Variants in BMP7 observed in about 807,000 individuals in gnomAD.
BMP7 encodes osteogenic protein 1.
A neutral mutation model predicts 41.2 loss-of-function variants in BMP7; 12 were observed. The ratio of observed to expected loss-of-function variants is 0.29; its 90% CI spans 0.19 to 0.47. The LOEUF is 0.47. Ranked by LOEUF, BMP7 falls within the 20% of genes least tolerant of loss-of-function variation. BMP7 has a pLI of 0.99. For missense variants in BMP7, 467 were observed against 606.0 expected, an observed-to-expected ratio of 0.77 and a Z score of 2.41; for synonymous variants, 248 against 250.0, an observed-to-expected ratio of 0.99 and a Z score of 0.07.
At position 57,257,084 on chromosome 20, in the gene BMP7, C is replaced by G. The variant is rs1249391934; in HGVS notation, c.418+8621G>C. On this transcript the variant is annotated intron_variant, in intron 1 of 6. Coordinates refer to ENST00000395863, the MANE Select transcript of BMP7 (RefSeq NM_001719.3). ...AACATTCTGAGGACCTCAGCCTCTC[C>G]CAGGGACTCTGCTGCCACCAATGTG... 4.5e-4 allele frequency among the ~76,000 whole-genome samples: 69 copies of G among 152,124 alleles called. 2 individuals carry two copies. The highest frequency in any genetic ancestry group is 4.5e-3 in the Admixed American group (69 of 15,278).
intron 1 of BMP7, among the ~76,000 whole-genome samples, chr20:57,230,401 G>C (rs764715630): frequency 6.6e-6 from 1 of 152,022 alleles, no homozygotes; most frequent in Non-Finnish European, 1.5e-5. Flanking sequence ...GTCACCGTGG[G>C]ACTGCCCCCG....
At chr20:57,249,101 G>C (rs1348108288) in intron 1 of BMP7, among the ~76,000 whole-genome samples, 1 of 151,906 alleles carries the variant, frequency 6.6e-6, no homozygotes, top group Non-Finnish European at 1.5e-5. Flanking sequence ...ACGCCCGGCT[G>C]ACTGCTGAAC....
chr20:57,197,287 T>C (rs1600617648), intron 3 of BMP7, among the ~76,000 whole-genome samples: 1 of 151,980 alleles, frequency 6.6e-6, no homozygotes, highest in Admixed American at 6.5e-5. Context: ...GCTCCCACAG[T>C]GAGTCCTGCA....
intron 2 of BMP7, 66 bp from the exon 3 acceptor site, chr20:57,202,689 A>T (rs1467360195): frequency 1.1e-4 from 85 of 771,016 alleles, no homozygotes; most frequent in Non-Finnish European, 1.6e-4. Context: ...ACCCCAACAG[A>T]TGGGAAGCAG....
intron 1 of BMP7, 37 bp downstream of exon 1, chr20:57,265,668 C>G: frequency 1.9e-6 from 3 of 1,573,512 alleles, no homozygotes; most frequent in Non-Finnish European, 2.6e-6. Flanking sequence ...AAAGTGCCCC[C>G]GAAAGGAGAC....
At chr20:57,173,614 G>C (rs991598431) in intron 5 of BMP7, 2 of 502,204 alleles carry the variant, frequency 4.0e-6, no homozygotes, top group Admixed American at 3.3e-5. Context: ...CCCCAGCCTG[G>C]GTGACAGAGC....
intron 3 of BMP7, among the ~76,000 whole-genome samples, chr20:57,201,261 T>C (rs564196955): frequency 1.3e-5 from 2 of 152,354 alleles, no homozygotes; most frequent in African/African-American, 4.8e-5. Context: ...ATCACCTGCA[T>C]GCTGGATGAG....
intron 3 of BMP7, among the ~76,000 whole-genome samples, chr20:57,184,552 G>T (rs1455372504): frequency 1.3e-5 from 2 of 152,092 alleles, no homozygotes; most frequent in African/African-American, 2.4e-5. Context: ...GGGTCCTATG[G>T]GCAACACGAG....
chr20:57,192,539 T>C (rs992689347), intron 3 of BMP7, among the ~76,000 whole-genome samples: 1 of 151,812 alleles, frequency 6.6e-6, no homozygotes, highest in Non-Finnish European at 1.5e-5. Flanking sequence ...TGTATTTAAA[T>C]GTCCCGGACA....
chr20:57,242,498 C>T (rs1600640559), intron 1 of BMP7, among the ~76,000 whole-genome samples: 1 of 152,158 alleles, frequency 6.6e-6, no homozygotes. Context: ...TCCCTTTTCT[C>T]GCCTATTAGA....
At chr20:57,193,119 A>G (rs1984415146) in intron 3 of BMP7, among the ~76,000 whole-genome samples, 1 of 152,118 alleles carries the variant, frequency 6.6e-6, no homozygotes, top group African/African-American at 2.4e-5. Flanking sequence ...TTAGTTTTTA[A>G]GTTACCATAC....
intron 2 of BMP7, among the ~76,000 whole-genome samples, chr20:57,210,844 CATTTT>C (rs1303375249): frequency 1.3e-4 from 20 of 152,240 alleles, no homozygotes; most frequent in African/African-American, 4.3e-4. Context: ...CCATTCTGGT[CATTTT>C]AATTTTCAGC....
chr20:57,243,440 C>T (rs967710646), intron 1 of BMP7, among the ~76,000 whole-genome samples: 3 of 152,042 alleles, frequency 2.0e-5, no homozygotes, highest in Admixed American at 2.0e-4. Context: ...GATCGTACCA[C>T]TGCACTCCTG....
In BMP7 at chr20:57,213,940, G is replaced by A. The variant is rs541947500; in HGVS notation, c.612-11317C>T. Among the ~76,000 whole-genome samples, 517 of 152,332 alleles carry A rather than the reference G, an allele frequency of 3.4e-3. 2 individuals are homozygous for A. The highest frequency in any genetic ancestry group is 0.012 in the African/African-American group (492 of 41,566). On this transcript the variant is annotated intron_variant, in intron 2 of 6. Coordinates refer to ENST00000395863, the MANE Select transcript of BMP7 (RefSeq NM_001719.3). This position sits in a 1 kb window ranked among gnomAD's most constrained non-coding sequence, Gnocchi z 4.4. ...TGCCAGCGCAAAGCCAGAGACTCAA[G>A]GTTCGCAGCTGGTTGGAGCAAACCT...
rs1240631282 is a variant in BMP7 at position 57,174,216 on chromosome 20, C to T, written c.1035+715G>A. On this transcript the variant is annotated intron_variant, in intron 5 of 6. Transcript: ENST00000395863. The surrounding 1 kb of genome is among the most constrained non-coding windows in gnomAD (Gnocchi z 4.3). ...GAATACCACCAGTTGCCCTGATGAC[C>T]TCATGACAATACCCTCTCCAGGGAT... Among the ~76,000 whole-genome samples the T allele has an allele frequency of 6.6e-6, 1 of 152,186 alleles. No individual in the cohort carries two copies. Among genetic ancestry groups the T allele is most frequent in the Non-Finnish European group, 1.5e-5 (1 of 68,044 alleles).
At chr20:57,217,556 A>G (rs531008001) in intron 2 of BMP7, among the ~76,000 whole-genome samples, 1 of 152,320 alleles carries the variant, frequency 6.6e-6, no homozygotes, top group Non-Finnish European at 1.5e-5. Flanking sequence ...GTAGGGATTC[A>G]GGTTGAATTT....
In BMP7 at chr20:57,209,249, T is replaced by TTATATATATATA. The variant is rs57062226; in HGVS notation, c.612-6638_612-6627dup. The stretch of plus-strand genomic sequence containing the variant: ...AACAAATACCTAGATTTATATATTT[T>TTATATATATATA]TATATATATATATATATATATATAT... On this transcript the variant is annotated intron_variant, in intron 2 of 6. Transcript: ENST00000395863. Among the ~76,000 whole-genome samples, 116 of 94,824 alleles carry TTATATATATATA rather than the reference T, an allele frequency of 1.2e-3. 1 individual carries two copies. The highest frequency in any genetic ancestry group is 1.5e-3 in the Non-Finnish European group (69 of 46,632). The allele number at this position is 94,824 out of a possible 152,430, so 62.2% of individuals were successfully genotyped here.
intron 1 of BMP7, chr20:57,243,979 C>T (rs1057450642): frequency 6.6e-6 from 1 of 152,262 alleles, no homozygotes; most frequent in Non-Finnish European, 1.5e-5. Flanking sequence ...CGAGTCTCGG[C>T]TCTGCCACTT....
rs765775581 is a variant in BMP7 at position 57,170,857 on chromosome 20, G to A, written c.*102C>T. ...CCTTTAAAGTTGGGGATAGGGAGGG[G>A]AAGGTCTCACAAAAGGCAGTTGGTC... On this transcript the variant is annotated 3_prime_UTR_variant, in exon 7 of 7. Coordinates refer to ENST00000395863, the MANE Select transcript of BMP7 (RefSeq NM_001719.3). 6 of 1,434,630 alleles carry A rather than the reference G, an allele frequency of 4.2e-6. No homozygotes were observed. The highest frequency in any genetic ancestry group is 1.4e-5 in the African/African-American group (1 of 71,166). 88.9% of individuals were successfully genotyped at this position (1,434,630 alleles called of 1,614,324 possible). A position where few individuals can be genotyped will look rare whatever the true frequency, so the allele number is the denominator to read the frequency against.
Sources: allele counts gnomAD v4.1 joint callset (sites outside exome capture counted in the v4.1 genomes callset), GRCh38; gene constraint gnomAD v4.1.1; non-coding constraint Gnocchi (gnomAD v3.1); transcripts MANE v1.5; gene names NCBI Gene and HGNC (gene_info 2026-07-23, HGNC 2026-07-21).